RBFOX1: variants seen among roughly 807,000 people sequenced by gnomAD.
The protein encoded by RBFOX1 is RNA binding fox-1 homolog 1, also known as RNA binding protein fox-1 homolog 1.
RBFOX1 carries 8 observed loss-of-function variants against 57.7 expected under a neutral mutation model. The observed-to-expected ratio is 0.14, with a 90% CI of 0.08 to 0.25. The LOEUF is 0.25. Ranked by LOEUF, RBFOX1 falls within the 10% of genes least tolerant of loss-of-function variation. The pLI is 1.00. For synonymous variants in RBFOX1, 326 were observed against 222.4 expected (o/e 1.47, Z -4.15); for missense variants, 611 against 548.5 (o/e 1.11, Z -1.14).
intron 1 of RBFOX1, among the ~76,000 whole-genome samples, chr16:6,184,758 G>T (rs954007049): frequency 2.0e-5 from 3 of 151,362 alleles, no homozygotes; most frequent in Non-Finnish European, 4.4e-5. Flanking sequence ...TAGTAGAGAC[G>T]GGGTTTCGCC....
At chr16:7,661,826 T>C (rs542936443) in intron 12 of RBFOX1, among the ~76,000 whole-genome samples, 1 of 152,274 alleles carries the variant, frequency 6.6e-6, no homozygotes, top group South Asian at 2.1e-4. Context: ...GTTTCATCAA[T>C]GTAGGATGTC....
intron 4 of RBFOX1, among the ~76,000 whole-genome samples, chr16:7,309,973 T>C (rs972728983): frequency 6.6e-6 from 1 of 152,188 alleles, no homozygotes; most frequent in Non-Finnish European, 1.5e-5. Flanking sequence ...ATCAATAAAG[T>C]TTCCTATTGC....
intron 3 of RBFOX1, among the ~76,000 whole-genome samples, chr16:5,684,084 T>G (rs759729765): frequency 2.6e-4 from 39 of 152,136 alleles, no homozygotes; most frequent in Non-Finnish European, 2.5e-4. Flanking sequence ...TTTATAGGTT[T>G]TCTCACATAA....
chr16:5,673,375 G>A (rs983276100), intron 3 of RBFOX1, among the ~76,000 whole-genome samples: 1 of 152,124 alleles, frequency 6.6e-6, no homozygotes, highest in African/African-American at 2.4e-5. Context: ...TAAAGAAGGT[G>A]CATGAAGCTA....
chr16:7,423,394 G>A (rs1057418559), intron 4 of RBFOX1, among the ~76,000 whole-genome samples: 1 of 152,022 alleles, frequency 6.6e-6, no homozygotes, highest in South Asian at 2.1e-4. Context: ...ATAATGACTG[G>A]TAATTGCAAG....
rs142908993 is a variant in RBFOX1 at position 6,001,565 on chromosome 16, A to T, written c.351+134230A>T. ...CAATGTTTTCCCGAGATAAGTGCGTAATTAAATATATACAAGATGGATTTT... is the reference window on the plus strand; with the variant it reads ...CAATGTTTTCCCGAGATAAGTGCGTTATTAAATATATACAAGATGGATTTT... On this transcript the variant is annotated intron_variant, in intron 4 of 19. Coordinates refer to the RBFOX1 transcript ENST00000641259. Among the ~76,000 whole-genome samples, 465 of 152,330 alleles carry T rather than the reference A, an allele frequency of 3.1e-3. 3 individuals carry two copies. Among genetic ancestry groups the T allele is most frequent in the African/African-American group, 0.011 (452 of 41,564 alleles).
intron 3 of RBFOX1, among the ~76,000 whole-genome samples, chr16:5,698,043 A>G (rs993129355): frequency 1.3e-5 from 2 of 152,058 alleles, no homozygotes; most frequent in Admixed American, 1.3e-4. Context: ...CCTTAATAGG[A>G]GTTCTGGTTT....
At chr16:7,071,857 G>T (rs2057402442) in intron 4 of RBFOX1, among the ~76,000 whole-genome samples, 1 of 151,948 alleles carries the variant, frequency 6.6e-6, no homozygotes, top group Admixed American at 6.6e-5. Flanking sequence ...CCCTTATCAT[G>T]TCTTTTTACA....
intron 1 of RBFOX1, among the ~76,000 whole-genome samples, chr16:5,411,040 T>C (rs547588821): frequency 1.4e-4 from 21 of 152,368 alleles, no homozygotes; most frequent in Admixed American, 6.5e-4. Context: ...ATGTGAGTTG[T>C]TATCCTCCTC....
intron 5 of RBFOX1, among the ~76,000 whole-genome samples, chr16:7,525,974 G>C (rs928204004): frequency 5.3e-5 from 8 of 152,164 alleles, no homozygotes; most frequent in African/African-American, 1.9e-4. Context: ...CCACAGATCA[G>C]TACTGGTCTG....
intron 3 of RBFOX1, among the ~76,000 whole-genome samples, chr16:5,716,143 C>T (rs192010166): frequency 1.3e-3 from 198 of 152,268 alleles, no homozygotes; most frequent in African/African-American, 4.6e-3. Flanking sequence ...TTAAATTTCA[C>T]GTAAACCTTT....
intron 1 of RBFOX1, among the ~76,000 whole-genome samples, chr16:6,231,592 A>G (rs1054534327): frequency 6.6e-6 from 1 of 152,194 alleles, no homozygotes; most frequent in African/African-American, 2.4e-5. Flanking sequence ...TGCCTAGGCT[A>G]CAGTGATTGC....
intron 9 of RBFOX1, among the ~76,000 whole-genome samples, chr16:7,599,731 T>C (rs1478631162): frequency 1.4e-5 from 2 of 143,206 alleles, no homozygotes; most frequent in East Asian, 2.1e-4. Context: ...TTGCACCCTC[T>C]GCCTCCCAGG....
chr16:5,748,507 C>G (rs1567486210), intron 3 of RBFOX1, among the ~76,000 whole-genome samples: 1 of 152,116 alleles, frequency 6.6e-6, no homozygotes, highest in Admixed American at 6.6e-5. Flanking sequence ...GTGTGGGAGT[C>G]TAAGTCTCTT....
At chr16:6,986,626 A>G (rs1231041058) in intron 3 of RBFOX1, among the ~76,000 whole-genome samples, 1 of 152,090 alleles carries the variant, frequency 6.6e-6, no homozygotes, top group Non-Finnish European at 1.5e-5. Flanking sequence ...AATATTTTTT[A>G]CTGCATTTGC....
intron 3 of RBFOX1, among the ~76,000 whole-genome samples, chr16:6,707,041 C>T (rs1415537898): frequency 6.6e-6 from 1 of 152,132 alleles, no homozygotes; most frequent in Non-Finnish European, 1.5e-5. Context: ...GATCCATCAG[C>T]CGAGGGATAA....
At chr16:6,340,544 C>A (rs1463602627) in intron 2 of RBFOX1, among the ~76,000 whole-genome samples, 1 of 152,186 alleles carries the variant, frequency 6.6e-6, no homozygotes, top group Admixed American at 6.5e-5. Context: ...ATTATTTATG[C>A]CTTCCCTTTT....
intron 2 of RBFOX1, among the ~76,000 whole-genome samples, chr16:5,469,912 G>A (rs1172928238): frequency 1.3e-5 from 2 of 152,088 alleles, no homozygotes; most frequent in Admixed American, 6.5e-5. Context: ...TGGAAATTTG[G>A]GTTGTGTCTA....
intron 3 of RBFOX1, among the ~76,000 whole-genome samples, chr16:6,816,300 C>G (rs571630176): frequency 2.0e-5 from 3 of 152,130 alleles, no homozygotes; most frequent in African/African-American, 4.8e-5. Context: ...CAGGGTAAGA[C>G]CTTGTTGCAA....
Sources: gnomAD v4.1 joint callset for allele counts (sites outside exome capture counted in the v4.1 genomes callset) on GRCh38, gnomAD v4.1.1 for gene constraint, MANE v1.5 for transcripts, NCBI Gene and HGNC (gene_info 2026-07-23, HGNC 2026-07-21) for gene names.